ZNF813: variants seen among roughly 807,000 people sequenced by gnomAD.
ZNF813 encodes the protein zinc finger protein 813.
ZNF813 carries 3 observed loss-of-function variants against 7.2 expected under a neutral mutation model. That is an observed-to-expected ratio of 0.42 (90% confidence interval 0.19 to 1.08). The LOEUF is 1.08. ZNF813 is among the 50% of genes least tolerant of loss of function. ZNF813 has a pLI of 0.30. For missense variants in ZNF813, 714 were observed against 753.3 expected (o/e 0.95, Z 0.61); for synonymous variants, 227 against 256.3 (o/e 0.89, Z 1.09).
chr19:53,473,813 G>A (rs1358277386), intron 1 of ZNF813, among the ~76,000 whole-genome samples: 3 of 152,042 alleles, frequency 2.0e-5, no homozygotes, highest in African/African-American at 7.2e-5. Flanking sequence ...ACTTATGATT[G>A]GAGAGGCCGA....
At position 53,492,938 on chromosome 19, in the gene ZNF813, C is replaced by CTT. The variant is rs2086470780; in HGVS notation, c.*852_*853insTT. ...ACACCTCCTTAGACATCAGAGAATG[C>CTT]ACACTGGACGGAAATCTTACAAATG... On this transcript the variant is annotated 3_prime_UTR_variant, in exon 4 of 4. Transcript: ENST00000396403. 6.3e-6 allele frequency: 3 copies of CTT among 478,230 alleles called. No individual in the cohort carries two copies. Among genetic ancestry groups the CTT allele is most frequent in the Non-Finnish European group, 1.3e-5 (3 of 233,222 alleles). The allele number at this position is 478,230 out of a possible 1,614,324, so 29.6% of individuals were successfully genotyped here. A position where few individuals can be genotyped will look rare whatever the true frequency, so the allele number is the denominator to read the frequency against.
intron 1 of ZNF813, among the ~76,000 whole-genome samples, chr19:53,482,311 C>T (rs908675647): frequency 6.6e-6 from 1 of 152,154 alleles, no homozygotes; most frequent in South Asian, 2.1e-4. Flanking sequence ...AAGCAGGTCA[C>T]GTCAGTCCCT....
intron 1 of ZNF813, among the ~76,000 whole-genome samples, chr19:53,472,161 C>T (rs567698148): frequency 4.6e-5 from 7 of 152,140 alleles, no homozygotes; most frequent in South Asian, 4.2e-4. Flanking sequence ...GCAGTCCACA[C>T]GGGTAGGTCT....
intron 1 of ZNF813, among the ~76,000 whole-genome samples, chr19:53,475,692 C>T (rs2147155730): frequency 6.6e-6 from 1 of 152,292 alleles, no homozygotes; most frequent in East Asian, 1.9e-4. Flanking sequence ...AAGATGGTGG[C>T]AGCTAATGCC....
At chr19:53,468,983 A>AC (rs35079098) in intron 1 of ZNF813, among the ~76,000 whole-genome samples, 66,741 of 151,222 alleles carry the variant, frequency 0.44, 14,733 homozygotes, top group Non-Finnish European at 0.45. Context: ...GTGGGGGGAA[A>AC]CTTGGACAAT....
At chr19:53,483,860 T>C (rs2086420827) in intron 2 of ZNF813, 23 bp downstream of exon 2, 1 of 1,613,934 alleles carries the variant, frequency 6.2e-7, no homozygotes, top group Admixed American at 1.7e-5. Flanking sequence ...TTTTGGTGGA[T>C]TGTTCTGTCT....
In ZNF813 at chr19:53,491,900, TG is replaced by T; in HGVS notation, c.1670del (p.Gly557AlafsTer186). On this transcript the variant is annotated frameshift_variant, in exon 4 of 4. Coordinates refer to ENST00000396403, the MANE Select transcript of ZNF813 (RefSeq NM_001004301.4). LOFTEE classifies it low-confidence loss of function (END_TRUNC). ...ATAAACCTTACAAGTGTAATGAATGTGGCAAGGTTTTTAATCAAAAAGCACA... is the reference window on the plus strand; with the variant it reads ...ATAAACCTTACAAGTGTAATGAATGTGCAAGGTTTTTAATCAAAAAGCACA... ...GDKPYKCNEC[G>X]KVFNQKAHLA... The T allele has an allele frequency of 6.2e-7, 1 of 1,613,120 alleles. No individual in the cohort carries two copies. Among genetic ancestry groups the T allele is most frequent in the Non-Finnish European group, 8.5e-7 (1 of 1,179,326 alleles).
Position 53,490,860 on chromosome 19 carries a change from A to G in ZNF813, c.628A>G (p.Met210Val), listed in dbSNP as rs777452175. 35 of 1,614,134 alleles carry G rather than the reference A, an allele frequency of 2.2e-5. No individual in the cohort carries two copies. Among genetic ancestry groups the G allele is most frequent in the Middle Eastern group, 1.6e-4 (1 of 6,084 alleles). ...SLLTQKQEVH[M>V]REKSFQCNES... ...ACTCACACAAAAACAGGAGGTACAC[A>G]TGAGAGAAAAGTCTTTCCAATGTAA... is the stretch of plus-strand genomic sequence containing the variant. Residue 210 changes from methionine (M) to valine (V), a missense_variant, in exon 4 of 4, where the codon ATG (methionine) becomes GTG (valine). Physicochemically the swap from Met to Val is conservative, Grantham distance 21 (BLOSUM62 1). This residue lies in a region of ZNF813 where 563 missense variants were observed against 554.2 expected (regional missense o/e 1.02). Transcript: ENST00000396403.
At chr19:53,470,853 A>G (rs547929747) in intron 1 of ZNF813, among the ~76,000 whole-genome samples, 41 of 152,124 alleles carry the variant, frequency 2.7e-4, no homozygotes, top group South Asian at 2.1e-4. Flanking sequence ...AAGCTAATCT[A>G]TTTTGGTAGA....
In ZNF813 at chr19:53,486,647, A is replaced by G; in HGVS notation, c.31A>G (p.Arg11Gly). MALPQGLLTF[R>G]DVAIEFSQEE... Reference sequence around the variant, plus strand: ...TTCATTTCAGGGTCTATTGACATTCAGGGATGTGGCCATAGAATTCTCTCA... The same window carrying G: ...TTCATTTCAGGGTCTATTGACATTCGGGGATGTGGCCATAGAATTCTCTCA... Residue 11 changes from arginine to glycine, a missense_variant, in exon 3 of 4, where the codon AGG becomes GGG. Physicochemically the swap from Arg to Gly is moderately radical, Grantham distance 125. Around this residue, in one of 3 missense-constraint regions of ZNF813, gnomAD observed 29 missense variants for 52.3 expected, o/e 0.55. Transcript: ENST00000396403. 1 of 1,614,072 alleles carries G rather than the reference A, an allele frequency of 6.2e-7. No individual in the cohort carries two copies. Among genetic ancestry groups the G allele is most frequent in the South Asian group, 1.1e-5 (1 of 91,076 alleles).
At chr19:53,476,373 G>T (rs1477170386) in intron 1 of ZNF813, among the ~76,000 whole-genome samples, 1 of 151,928 alleles carries the variant, frequency 6.6e-6, no homozygotes, top group Non-Finnish European at 1.5e-5. Flanking sequence ...GCTCGCGCCT[G>T]TAATCCCGGC....
At chr19:53,482,697 T>A (rs2086414080) in intron 1 of ZNF813, among the ~76,000 whole-genome samples, 1 of 138,566 alleles carries the variant, frequency 7.2e-6, no homozygotes. Flanking sequence ...ATCAATCACA[T>A]CAGGAATGCT....
At chr19:53,482,955 C>T (rs1476109928) in intron 1 of ZNF813, among the ~76,000 whole-genome samples, 1 of 151,476 alleles carries the variant, frequency 6.6e-6, no homozygotes, top group African/African-American at 2.4e-5. Flanking sequence ...CATTGTCACC[C>T]AGGCTGGAGT....
chr19:53,495,449 C>G lies in ZNF813; in HGVS notation c.*3363C>G, dbSNP rs1218737090. Reference sequence around the variant, plus strand: ...ATGTTGGCAAGGCTGGTCTTGAACTCCTGACCTCACGATCTGCCCACCTCA... The same window carrying G: ...ATGTTGGCAAGGCTGGTCTTGAACTGCTGACCTCACGATCTGCCCACCTCA... On this transcript the variant is annotated 3_prime_UTR_variant, in exon 4 of 4. Transcript: ENST00000396403. 1 of 120,118 alleles carries G rather than the reference C, an allele frequency of 8.3e-6. No homozygotes were observed. Among genetic ancestry groups the G allele is most frequent in the African/African-American group, 3.4e-5 (1 of 29,058 alleles). The allele number at this position is 120,118 out of a possible 1,614,324, so 7.4% of individuals were successfully genotyped here. A position where few individuals can be genotyped will look rare whatever the true frequency, so the allele number is the denominator to read the frequency against.
At chr19:53,480,964 A>G (rs1224882416) in intron 1 of ZNF813, among the ~76,000 whole-genome samples, 1 of 152,222 alleles carries the variant, frequency 6.6e-6, no homozygotes, top group African/African-American at 2.4e-5. Context: ...AAAAGACCCA[A>G]GCTCTGGAAG....
chr19:53,478,343 A>AT (rs1219893825), intron 1 of ZNF813, among the ~76,000 whole-genome samples: 47 of 149,182 alleles, frequency 3.2e-4, no homozygotes, highest in East Asian at 5.9e-4. Context: ...CAAGTATTGT[A>AT]TTTTTTTTTT....
At chr19:53,472,587 G>A (rs528706474) in intron 1 of ZNF813, among the ~76,000 whole-genome samples, 2 of 148,346 alleles carry the variant, frequency 1.3e-5, no homozygotes, top group Non-Finnish European at 3.0e-5. Context: ...TGAGTAGATG[G>A]TCTGATTATA....
intron 1 of ZNF813, among the ~76,000 whole-genome samples, chr19:53,474,803 G>C (rs529138364): frequency 1.3e-5 from 2 of 152,260 alleles, no homozygotes; most frequent in Admixed American, 6.5e-5. Context: ...GGAATGGCTA[G>C]TCTCCTATCA....
intron 3 of ZNF813, chr19:53,488,228 T>G (rs1321385961): frequency 2.2e-6 from 1 of 455,650 alleles, no homozygotes; most frequent in South Asian, 1.6e-5. Context: ...TCTCCTTTTT[T>G]GTCTGGCCGA....
Sources: gnomAD v4.1 joint callset for allele counts (sites outside exome capture counted in the v4.1 genomes callset) on GRCh38, gnomAD v4.1.1 for gene constraint, gnomAD v4.1.1 regional missense constraint, MANE v1.5 for transcripts, NCBI Gene and HGNC (gene_info 2026-07-23, HGNC 2026-07-21) for gene names.